The following PLXNA4 variants were observed in gnomAD, a reference collection of about 807,000 sequenced individuals.
The protein encoded by PLXNA4 is plexin A4.
In PLXNA4, 44 loss-of-function variants were observed where a neutral mutation model predicts 191.8. The ratio of observed to expected loss-of-function variants is 0.23; its 90% confidence interval spans 0.18 to 0.29. The LOEUF (loss-of-function observed/expected upper bound fraction) is 0.29. Ranked by LOEUF, PLXNA4 falls within the 10% of genes least tolerant of loss-of-function variation. PLXNA4 has a pLI of 1.00. For synonymous variants in PLXNA4, 1,082 were observed against 1,009.5 expected, an observed-to-expected ratio of 1.07 and a Z score of -1.36; for missense variants, 1,800 against 2,488.8, an observed-to-expected ratio of 0.72 and a Z score of 5.89.
At chr7:132,633,987 G>C (rs147262395) in intron 2 of PLXNA4, among the ~76,000 whole-genome samples, 2 of 151,228 alleles carry the variant, frequency 1.3e-5, no homozygotes, top group East Asian at 4.0e-4. Context: ...CAAACACACA[G>C]TGTATGGCAG....
intron 3 of PLXNA4, among the ~76,000 whole-genome samples, chr7:132,396,492 A>AT (rs200959621): frequency 1.1e-4 from 16 of 151,602 alleles, no homozygotes; most frequent in South Asian, 4.2e-4. Flanking sequence ...TGGGTTTTTT[A>AT]TTTTTTTTGT....
intron 9 of PLXNA4, among the ~76,000 whole-genome samples, chr7:132,217,963 G>T (rs764421848): frequency 7.7e-4 from 99 of 128,286 alleles, no homozygotes; most frequent in Non-Finnish European, 1.1e-3. Context: ...GGGTGGTTTG[G>T]TTCCCTTGGG....
At chr7:132,485,178 T>C (rs1040939450) in intron 3 of PLXNA4, among the ~76,000 whole-genome samples, 2 of 152,182 alleles carry the variant, frequency 1.3e-5, no homozygotes, top group Non-Finnish European at 2.9e-5. Flanking sequence ...GAGAGGCTGG[T>C]ATGGATTAGT....
chr7:132,494,020 C>T (rs1028778126), intron 2 of PLXNA4, among the ~76,000 whole-genome samples: 2 of 152,188 alleles, frequency 1.3e-5, no homozygotes, highest in African/African-American at 2.4e-5. Flanking sequence ...TAATTTAAAA[C>T]ATATAGAACA....
At position 132,182,207 on chromosome 7, in the gene PLXNA4, AAGG is replaced by A. The variant is rs1471123917; in HGVS notation, c.3159-20_3159-18del. 1.9e-6 allele frequency: 3 copies of A among 1,613,668 alleles called. No homozygotes were observed. Among genetic ancestry groups the A allele is most frequent in the Non-Finnish European group, 2.5e-6 (3 of 1,179,790 alleles). On this transcript the variant is annotated intron_variant, in intron 16 of 31. Transcript: ENST00000321063. ...GTGTTTCCACTGAGCAGGAAGAAAGAAGGAGATGTGTAAATGATAAGTTCAGGA... is the reference window on the plus strand; with the variant it reads ...GTGTTTCCACTGAGCAGGAAGAAAGAAGATGTGTAAATGATAAGTTCAGGA...
At chr7:132,311,637 TCAC>T (rs1489151800) in intron 3 of PLXNA4, among the ~76,000 whole-genome samples, 1 of 152,142 alleles carries the variant, frequency 6.6e-6, no homozygotes, top group East Asian at 1.9e-4. Context: ...ATCTCATAGA[TCAC>T]CACCCCTTAT....
intron 5 of PLXNA4, among the ~76,000 whole-genome samples, chr7:132,235,585 G>A (rs1042234029): frequency 1.3e-5 from 2 of 152,190 alleles, no homozygotes; most frequent in Non-Finnish European, 2.9e-5. Flanking sequence ...CTTTATGAAA[G>A]CTGATCTTAT....
chr7:132,149,992 C>G (rs1176725103), intron 25 of PLXNA4, among the ~76,000 whole-genome samples: 2 of 152,086 alleles, frequency 1.3e-5, no homozygotes, highest in Admixed American at 1.3e-4. Flanking sequence ...CCCCTTGCCT[C>G]CAGTCCCTGG....
intron 3 of PLXNA4, among the ~76,000 whole-genome samples, chr7:132,457,812 G>A (rs1003163897): frequency 2.0e-5 from 3 of 152,190 alleles, no homozygotes; most frequent in Non-Finnish European, 4.4e-5. Flanking sequence ...AAGATGCTAT[G>A]CCGTTGGCTT....
chr7:132,246,818 T>C (rs947369211), intron 4 of PLXNA4, among the ~76,000 whole-genome samples: 1 of 152,122 alleles, frequency 6.6e-6, no homozygotes, highest in Non-Finnish European at 1.5e-5. Flanking sequence ...CTCATCATCA[T>C]CCTCATCACC....
chr7:132,203,803 G>A (rs978124375), intron 10 of PLXNA4, among the ~76,000 whole-genome samples: 1 of 152,166 alleles, frequency 6.6e-6, no homozygotes, highest in Non-Finnish European at 1.5e-5. Flanking sequence ...TTCCTCTCTG[G>A]CTGCCCAGGG....
chr7:132,256,400 A>C (rs909642641), intron 4 of PLXNA4, among the ~76,000 whole-genome samples: 2 of 152,140 alleles, frequency 1.3e-5, no homozygotes, highest in African/African-American at 4.8e-5. Context: ...CTTAACCTGG[A>C]CCAGGGTCTG....
intron 1 of PLXNA4, among the ~76,000 whole-genome samples, chr7:132,531,655 A>T (rs1266456087): frequency 6.6e-6 from 1 of 152,200 alleles, no homozygotes; most frequent in Non-Finnish European, 1.5e-5. Flanking sequence ...GCTGTAATAG[A>T]GCCAAAATCG....
chr7:132,633,075 C>A (rs1185255420), intron 2 of PLXNA4, among the ~76,000 whole-genome samples: 1 of 152,104 alleles, frequency 6.6e-6, no homozygotes, highest in Non-Finnish European at 1.5e-5. Flanking sequence ...GCTTTCCACA[C>A]TCCCTTCAAC....
intron 2 of PLXNA4, among the ~76,000 whole-genome samples, chr7:132,613,083 G>A (rs536716292): frequency 2.0e-5 from 3 of 152,214 alleles, no homozygotes; most frequent in African/African-American, 7.2e-5. Context: ...GAGTAAACTC[G>A]GAAGACAGAG....
chr7:132,185,680 C>T (rs1010136957), intron 15 of PLXNA4, among the ~76,000 whole-genome samples: 3 of 152,336 alleles, frequency 2.0e-5, no homozygotes, highest in Middle Eastern at 3.4e-3. Flanking sequence ...GGCCTCATCC[C>T]TGGGTCTGTC....
chr7:132,227,390 A>G, intron 7 of PLXNA4, 61 bp downstream of exon 7: 1 of 1,605,366 alleles, frequency 6.2e-7, no homozygotes, highest in South Asian at 1.1e-5. Context: ...ATCTGTCCTG[A>G]GTTCTCCTTA....
intron 9 of PLXNA4, among the ~76,000 whole-genome samples, chr7:132,212,392 C>A (rs1377244800): frequency 6.6e-6 from 1 of 152,230 alleles, no homozygotes; most frequent in East Asian, 1.9e-4. Context: ...CAAACATGAG[C>A]CAAATATCTC....
intron 4 of PLXNA4, among the ~76,000 whole-genome samples, chr7:132,269,508 C>T (rs183182370): frequency 6.6e-6 from 1 of 152,114 alleles, no homozygotes; most frequent in Non-Finnish European, 1.5e-5. Context: ...CATCAGCTCT[C>T]TTCAGAACTG....
Sources: gnomAD v4.1 joint callset for allele counts (sites outside exome capture counted in the v4.1 genomes callset) on GRCh38, gnomAD v4.1.1 for gene constraint, MANE v1.5 for transcripts, NCBI Gene and HGNC (gene_info 2026-07-23, HGNC 2026-07-21) for gene names.